The following SETBP1 variants were observed in gnomAD, a reference collection of about 807,000 sequenced individuals.
SETBP1 encodes the protein SET binding protein 1.
SETBP1 carries 9 observed loss-of-function variants against 101.0 expected under a neutral mutation model. The ratio of observed to expected loss-of-function variants is 0.09; its 90% CI spans 0.05 to 0.16. The LOEUF (loss-of-function observed/expected upper bound fraction) is 0.16. Ranked by LOEUF, SETBP1 falls within the 10% of genes least tolerant of loss-of-function variation. The pLI is 1.00. For synonymous variants in SETBP1, 818 were observed against 788.5 expected (o/e 1.04, Z -0.63); for missense variants, 1,858 against 2,033.8 (o/e 0.91, Z 1.66).
Position 44,701,506 on chromosome 18 carries a change from C to T in SETBP1, c.160C>T (p.Arg54Cys), listed in dbSNP as rs1325528399. ...GAAGGGGATCCCGGTGGGCGGAGAG[C>T]GCATGGAGCCAGAGGAGGAGGATGA... ...PGKGIPVGGERMEPEEEDELG... is the reference protein window; with the variant it reads ...PGKGIPVGGECMEPEEEDELG... The change falls in exon 2 of 6, where the codon CGC (arginine) becomes TGC (cysteine). Residue 54 changes from arginine to cysteine, a missense_variant. Transcript: ENST00000649279. 5.6e-6 allele frequency: 9 copies of T among 1,613,792 alleles called. No individual in the cohort carries two copies. Among genetic ancestry groups the T allele is most frequent in the East Asian group, 4.5e-5 (2 of 44,878 alleles).
At chr18:45,006,805 A>G (rs2072738215) in intron 4 of SETBP1, among the ~76,000 whole-genome samples, 1 of 152,208 alleles carries the variant, frequency 6.6e-6, no homozygotes, top group South Asian at 2.1e-4. Context: ...GGGGGACACA[A>G]TTCAACCCAC....
chr18:44,758,413 C>T (rs1395971505), intron 2 of SETBP1, among the ~76,000 whole-genome samples: 1 of 149,766 alleles, frequency 6.7e-6, no homozygotes, highest in African/African-American at 2.5e-5. Flanking sequence ...GACGGAGTCT[C>T]GCTCTGTTGC....
intron 2 of SETBP1, among the ~76,000 whole-genome samples, chr18:44,768,944 A>T (rs935486687): frequency 6.6e-6 from 1 of 152,218 alleles, no homozygotes; most frequent in Non-Finnish European, 1.5e-5. Flanking sequence ...CTCTGAAAAG[A>T]GTTGGACAGT....
intron 1 of SETBP1, among the ~76,000 whole-genome samples, chr18:44,694,936 G>A (rs139031848): frequency 3.3e-4 from 51 of 152,272 alleles, no homozygotes; most frequent in African/African-American, 1.2e-3. Flanking sequence ...AAACAAGGAC[G>A]GAGCATGCTG....
At chr18:45,019,882 A>G (rs933151979) in intron 4 of SETBP1, among the ~76,000 whole-genome samples, 3 of 152,082 alleles carry the variant, frequency 2.0e-5, no homozygotes, top group African/African-American at 4.8e-5. Flanking sequence ...TAAATTGTCA[A>G]TTGTATTTCC....
At chr18:44,765,825 C>T (rs1428803088) in intron 2 of SETBP1, among the ~76,000 whole-genome samples, 2 of 152,204 alleles carry the variant, frequency 1.3e-5, no homozygotes, top group Non-Finnish European at 2.9e-5. Flanking sequence ...GAAGCATCTC[C>T]CTCTTCCTAC....
intron 2 of SETBP1, among the ~76,000 whole-genome samples, chr18:44,786,636 C>T (rs1452994382): frequency 1.3e-5 from 2 of 152,166 alleles, no homozygotes; most frequent in Non-Finnish European, 1.5e-5. Flanking sequence ...GCATTTGAAG[C>T]TCTCTCTAAG....
chr18:45,057,732 T>C (rs1227252886), intron 5 of SETBP1, among the ~76,000 whole-genome samples: 1 of 152,186 alleles, frequency 6.6e-6, no homozygotes, highest in Non-Finnish European at 1.5e-5. Flanking sequence ...TTCTAAGGAA[T>C]CTAGAAGTAA....
chr18:44,768,294 G>A (rs1382514390), intron 2 of SETBP1, among the ~76,000 whole-genome samples: 1 of 152,082 alleles, frequency 6.6e-6, no homozygotes, highest in East Asian at 1.9e-4. Context: ...TACATATTGG[G>A]ATCTCCAGTG....
intron 3 of SETBP1, among the ~76,000 whole-genome samples, chr18:44,937,823 C>G (rs1245723608): frequency 6.6e-6 from 1 of 152,140 alleles, no homozygotes; most frequent in Admixed American, 6.5e-5. Flanking sequence ...GTGCTGGGTT[C>G]CAATTCTCAC....
Position 44,701,578 on chromosome 18 carries a change from G to A in SETBP1, c.232G>A (p.Glu78Lys). 6.2e-7 allele frequency: 1 copy of A among 1,614,206 alleles called. No homozygotes were observed. The highest frequency in any genetic ancestry group is 8.5e-7 in the Non-Finnish European group (1 of 1,180,038). The change falls in exon 2 of 6, where the codon GAG (glutamate) becomes AAG (lysine). Residue 78 changes from glutamate (E) to lysine (K), a missense_variant. Physicochemically the swap from Glu to Lys is moderately conservative, Grantham distance 56. Coordinates refer to ENST00000649279, the MANE Select transcript of SETBP1 (RefSeq NM_015559.3). ...DVDSNSNADS[E>K]KWVAGDGLEE... ...GGATTCCAACTCCAACGCGGACAGTGAGAAATGGGTGGCAGGAGATGGTTT... is the reference window on the plus strand; with the variant it reads ...GGATTCCAACTCCAACGCGGACAGTAAGAAATGGGTGGCAGGAGATGGTTT...
At chr18:44,731,745 G>C (rs1377158135) in intron 2 of SETBP1, among the ~76,000 whole-genome samples, 3 of 152,084 alleles carry the variant, frequency 2.0e-5, no homozygotes, top group Non-Finnish European at 4.4e-5. Flanking sequence ...TCTAGTTCCT[G>C]TTTCTGCCAC....
At chr18:45,061,889 G>C (rs750971296) in intron 5 of SETBP1, among the ~76,000 whole-genome samples, 1 of 152,182 alleles carries the variant, frequency 6.6e-6, no homozygotes, top group African/African-American at 2.4e-5. Context: ...GGCTCCTTTC[G>C]GGTTGAACAT....
At chr18:44,770,178 T>C (rs551512212) in intron 2 of SETBP1, among the ~76,000 whole-genome samples, 4 of 152,308 alleles carry the variant, frequency 2.6e-5, no homozygotes, top group African/African-American at 7.2e-5. Context: ...ATAACTGATA[T>C]GTTAATGAGA....
intron 4 of SETBP1, among the ~76,000 whole-genome samples, chr18:44,997,044 C>T (rs1430171163): frequency 1.3e-5 from 2 of 152,098 alleles, no homozygotes; most frequent in African/African-American, 2.4e-5. Context: ...ACACAGGTGG[C>T]GTAATCAGGG....
intron 3 of SETBP1, among the ~76,000 whole-genome samples, chr18:44,928,736 A>G (rs2070758640): frequency 6.6e-6 from 1 of 152,188 alleles, no homozygotes; most frequent in South Asian, 2.1e-4. Context: ...TTCTTTTGAG[A>G]AGTGTCTGTT....
At chr18:44,888,310 C>G (rs1447466752) in intron 3 of SETBP1, among the ~76,000 whole-genome samples, 2 of 152,074 alleles carry the variant, frequency 1.3e-5, no homozygotes, top group Non-Finnish European at 2.9e-5. Context: ...TTCTTAGCAT[C>G]TAGTAAAATG....
At chr18:45,019,837 C>T (rs1441917966) in intron 4 of SETBP1, among the ~76,000 whole-genome samples, 3 of 152,084 alleles carry the variant, frequency 2.0e-5, no homozygotes, top group Non-Finnish European at 4.4e-5. Context: ...AAAAACACCT[C>T]TCATTCTCTC....
intron 2 of SETBP1, among the ~76,000 whole-genome samples, chr18:44,708,379 C>T (rs1231692912): frequency 6.6e-6 from 1 of 152,176 alleles, no homozygotes; most frequent in Non-Finnish European, 1.5e-5. Flanking sequence ...ATGAGGTCTC[C>T]ATAGCATTTC....
Sources: gnomAD v4.1 joint callset for allele counts (sites outside exome capture counted in the v4.1 genomes callset) on GRCh38, gnomAD v4.1.1 for gene constraint, MANE v1.5 for transcripts, NCBI Gene and HGNC (gene_info 2026-07-23, HGNC 2026-07-21) for gene names.